The following PDE12 variants were observed in gnomAD, a reference collection of about 807,000 sequenced individuals.
PDE12 encodes phosphodiesterase 12.
In PDE12, 26 loss-of-function variants were observed where a neutral mutation model predicts 45.4. The observed-to-expected ratio is 0.57, with a 90% CI of 0.42 to 0.79. The LOEUF (loss-of-function observed/expected upper bound fraction) is 0.79, where lower values mean the gene tolerates loss of function less well. Among genes scored for constraint, PDE12 ranks in the 30% least tolerant of loss-of-function variants. The pLI is 0.00. For synonymous variants in PDE12, 283 were observed against 323.9 expected (o/e 0.87, Z 1.36); for missense variants, 668 against 790.0 (o/e 0.85, Z 1.85).
the PDE12 span, among the ~76,000 whole-genome samples, chr3:57,640,719 G>A: frequency 2.0e-5 from 3 of 152,098 alleles, no homozygotes; most frequent in Admixed American, 6.5e-5. Flanking sequence ...TCAGTAGTCC[G>A]CTACATTACA....
chr3:57,566,842 TCCATCATCCC>T (rs1314565840), exon 3 of PDE12: 1 of 152,128 alleles, frequency 6.6e-6, no homozygotes, highest in Non-Finnish European at 1.5e-5. Flanking sequence ...AATATAATAA[TCCATCATCCC>T]TTGCCTTTTC....
At chr3:57,641,577 TAATC>T in the PDE12 span, 1 of 1,279,984 alleles carries the variant, frequency 7.8e-7, no homozygotes, top group East Asian at 2.5e-5. Flanking sequence ...ACATAAAAAA[TAATC>T]AAGGATGAAA....
At position 57,557,392 on chromosome 3, in the gene PDE12, A is replaced by T. The variant is rs148377473; in HGVS notation, c.1013A>T (p.Glu338Val). Residue 338 changes from glutamate (E) to valine (V), a missense_variant, in exon 1 of 3, where the codon GAA becomes GTA. Physicochemically the swap from Glu to Val is moderately radical, Grantham distance 121 (BLOSUM62 -2). Coordinates refer to ENST00000311180, the MANE Select transcript of PDE12 (RefSeq NM_177966.7). ...TACCGCCAGAACCTTATCCAGAAGG[A>T]ACTCACCGGCTACAACGCCGATGTC... ...LDYRQNLIQKELTGYNADVIC... is the reference protein window; with the variant it reads ...LDYRQNLIQKVLTGYNADVIC... 3 of 1,613,900 alleles carry T rather than the reference A, an allele frequency of 1.9e-6. No individual in the cohort carries two copies. Among genetic ancestry groups the T allele is most frequent in the African/African-American group, 2.7e-5 (2 of 74,880 alleles).
the PDE12 span, chr3:57,634,770 C>A: frequency 6.4e-7 from 1 of 1,554,006 alleles, no homozygotes. Context: ...GGAATTTCAC[C>A]TGAAGGAAGC....
the PDE12 span, among the ~76,000 whole-genome samples, chr3:57,639,592 T>C: frequency 6.6e-6 from 1 of 152,192 alleles, no homozygotes; most frequent in Non-Finnish European, 1.5e-5. Flanking sequence ...CAACTGTTGT[T>C]CTCTGTATTA....
the PDE12 span, among the ~76,000 whole-genome samples, chr3:57,595,829 T>TA: frequency 0.025 from 3,865 of 151,936 alleles, 164 homozygotes; most frequent in African/African-American, 0.088. Context: ...TGCATGCCTG[T>TA]AATCCCAGCT....
At chr3:57,632,303 C>T in the PDE12 span, among the ~76,000 whole-genome samples, 7 of 151,628 alleles carry the variant, frequency 4.6e-5, no homozygotes, top group Non-Finnish European at 8.8e-5. Flanking sequence ...GGATTACAGA[C>T]GTGAGCCACC....
the PDE12 span, among the ~76,000 whole-genome samples, chr3:57,631,932 C>G: frequency 1.3e-5 from 2 of 149,840 alleles, no homozygotes; most frequent in African/African-American, 4.9e-5. Context: ...CCGTGTTAGC[C>G]AGGATGGTCT....
chr3:57,646,276 C>A, the PDE12 span: 19 of 1,581,442 alleles, frequency 1.2e-5, no homozygotes, highest in Admixed American at 9.6e-5. Context: ...ACTGCAGCAT[C>A]CAAAAAAAAA....
At chr3:57,604,143 T>C in the PDE12 span, among the ~76,000 whole-genome samples, 1 of 150,278 alleles carries the variant, frequency 6.7e-6, no homozygotes, top group Non-Finnish European at 1.5e-5. Flanking sequence ...AGGCTGTTCT[T>C]GAACTCCTGA....
the PDE12 span, among the ~76,000 whole-genome samples, chr3:57,652,480 C>T: frequency 3.3e-5 from 5 of 152,148 alleles, no homozygotes; most frequent in African/African-American, 1.2e-4. Context: ...AAACTCTGAG[C>T]CAGAACTACC....
At chr3:57,581,756 C>T in the PDE12 span, among the ~76,000 whole-genome samples, 2 of 152,066 alleles carry the variant, frequency 1.3e-5, no homozygotes, top group African/African-American at 4.8e-5. Flanking sequence ...GCCAAGATTG[C>T]GCCATAGCCT....
At chr3:57,559,232 AAAAC>A (rs533139596) in intron 1 of PDE12, 74 bp from the exon 2 acceptor site, 21,766 of 1,276,938 alleles carry the variant, frequency 0.017, 275 homozygotes, top group Non-Finnish European at 0.021. Context: ...AAAACTCAAA[AAAAC>A]AAACAAACAA....
At chr3:57,604,238 A>G in the PDE12 span, among the ~76,000 whole-genome samples, 1 of 152,122 alleles carries the variant, frequency 6.6e-6, no homozygotes, top group African/African-American at 2.4e-5. Context: ...TTTTTAATGT[A>G]TCACAGTTAC....
At chr3:57,647,693 C>T in the PDE12 span, among the ~76,000 whole-genome samples, 12 of 151,908 alleles carry the variant, frequency 7.9e-5, no homozygotes, top group Admixed American at 5.3e-4. Context: ...GGAGAAGTAC[C>T]CTGGAGTAGG....
chr3:57,653,549 T>C, the PDE12 span, among the ~76,000 whole-genome samples: 1 of 151,926 alleles, frequency 6.6e-6, no homozygotes, highest in Middle Eastern at 3.4e-3. Context: ...ATCGAGACCA[T>C]CCTGGCTAAC....
chr3:57,604,616 T>TGGGG, the PDE12 span, among the ~76,000 whole-genome samples: 4 of 10,280 alleles, frequency 3.9e-4, no homozygotes, highest in Admixed American at 3.3e-3. Flanking sequence ...TTTTTTTTTT[T>TGGGG]TGGGGGGGGT....
the PDE12 span, among the ~76,000 whole-genome samples, chr3:57,613,965 A>G: frequency 1.3e-5 from 2 of 152,024 alleles, no homozygotes; most frequent in Non-Finnish European, 2.9e-5. Context: ...TAAGTATGGA[A>G]AAGATATACC....
At chr3:57,612,717 G>A in the PDE12 span, among the ~76,000 whole-genome samples, 1 of 149,570 alleles carries the variant, frequency 6.7e-6, no homozygotes, top group Non-Finnish European at 1.5e-5. Context: ...GTTGCAGTGA[G>A]CTGATATTAT....
Sources: gnomAD v4.1 joint callset for allele counts (sites outside exome capture counted in the v4.1 genomes callset) on GRCh38, gnomAD v4.1.1 for gene constraint, MANE v1.5 for transcripts, NCBI Gene and HGNC (gene_info 2026-07-23, HGNC 2026-07-21) for gene names.